SLC25A29: variants seen among roughly 807,000 people sequenced by gnomAD.
The protein encoded by SLC25A29 is mitochondrial basic amino acids transporter.
In SLC25A29, 13 loss-of-function variants were observed where a neutral mutation model predicts 10.0. The observed-to-expected ratio is 1.30, with a 90% CI of 0.85 to 2.07. The LOEUF is 2.07. SLC25A29 is among the 30% of genes most tolerant of loss of function. The pLI is 0.00. For synonymous variants in SLC25A29, 244 were observed against 221.1 expected, an observed-to-expected ratio of 1.10 and a Z score of -0.92; for missense variants, 475 against 447.6, an observed-to-expected ratio of 1.06 and a Z score of -0.55.
chr14:100,305,273 G>A (rs527748495), intron 1 of SLC25A29: 2 of 152,202 alleles, frequency 1.3e-5, no homozygotes, highest in East Asian at 3.9e-4. Context: ...CGGGAGCTGA[G>A]GGTTTATTCG....
downstream of SLC25A29, among the ~76,000 whole-genome samples, chr14:100,290,822 C>T (rs1566789617): frequency 6.6e-6 from 1 of 152,248 alleles, no homozygotes; most frequent in Non-Finnish European, 1.5e-5. Context: ...CCCTGCTGCC[C>T]CGCCCGCCAG....
At chr14:100,288,784 G>A (rs998719608), downstream of SLC25A29, among the ~76,000 whole-genome samples, 1 of 152,230 alleles carries the variant, frequency 6.6e-6, no homozygotes, top group Admixed American at 6.5e-5. Flanking sequence ...ATGCCATGCA[G>A]CTGTCAGCAG....
intron 1 of SLC25A29, among the ~76,000 whole-genome samples, chr14:100,304,590 C>G (rs1019119167): frequency 6.6e-6 from 1 of 151,832 alleles, no homozygotes; most frequent in Non-Finnish European, 1.5e-5. Flanking sequence ...TGGCCTGTGC[C>G]CCAGTGCTAC....
At chr14:100,278,580 G>A in the SLC25A29 span, 7 of 152,192 alleles carry the variant, frequency 4.6e-5, no homozygotes, top group African/African-American at 1.4e-4. Context: ...AGCAACTCAA[G>A]TTTCCTTTAT....
intron 1 of SLC25A29, among the ~76,000 whole-genome samples, chr14:100,302,769 G>T (rs1160940084): frequency 3.5e-5 from 5 of 142,314 alleles, no homozygotes. Context: ...GAAATCTGCT[G>T]CCAATGTTTT....
chr14:100,283,343 C>T, the SLC25A29 span, among the ~76,000 whole-genome samples: 1 of 152,302 alleles, frequency 6.6e-6, no homozygotes, highest in African/African-American at 2.4e-5. Context: ...GGGCTGCTGA[C>T]AGAATGCTAC....
chr14:100,288,415 G>A (rs944039437), downstream of SLC25A29, among the ~76,000 whole-genome samples: 3 of 139,790 alleles, frequency 2.1e-5, no homozygotes, highest in South Asian at 4.8e-4. Context: ...AAGACAGTTT[G>A]GGAAGCTGTT....
chr14:100,296,296 G>A (rs1324258266), intron 2 of SLC25A29: 2 of 304,010 alleles, frequency 6.6e-6, no homozygotes, highest in East Asian at 1.7e-4. Context: ...AGGCATGGTG[G>A]TGTGTGCCTG....
In SLC25A29 at chr14:100,292,260, G is replaced by A. The variant is rs1233736200; in HGVS notation, c.*23C>T. ...TCCCAGGTTTCTGAGAAGGAGCCCT[G>A]GGGAAGGAGGGCGGGGTGAGCGTCA... is the stretch of plus-strand genomic sequence containing the variant. On this transcript the variant is annotated 3_prime_UTR_variant, in exon 4 of 4. Transcript: ENST00000359232. The A allele has an allele frequency of 6.5e-7, 1 of 1,532,822 alleles. No homozygotes were observed. Among genetic ancestry groups the A allele is most frequent in the Non-Finnish European group, 8.8e-7 (1 of 1,141,026 alleles). 95.0% of individuals were successfully genotyped at this position (1,532,822 alleles called of 1,614,324 possible).
chr14:100,300,685 T>C (rs891642667), intron 1 of SLC25A29, among the ~76,000 whole-genome samples: 6 of 152,090 alleles, frequency 3.9e-5, no homozygotes, highest in Admixed American at 2.6e-4. Context: ...ATGTGTAGTT[T>C]TGAACCTTTT....
At chr14:100,296,910 T>C (rs1409109867) in intron 2 of SLC25A29, among the ~76,000 whole-genome samples, 2 of 152,146 alleles carry the variant, frequency 1.3e-5, no homozygotes, top group Admixed American at 1.3e-4. Flanking sequence ...ATGTGTGCAC[T>C]TTCTATATGT....
chr14:100,306,086 AC>A (rs1275707814), intron 1 of SLC25A29, 112 bp downstream of exon 1: 1 of 748,906 alleles, frequency 1.3e-6, no homozygotes, highest in African/African-American at 1.9e-5. Flanking sequence ...GTCCCCATTC[AC>A]AGACGCGGCG....
At position 100,306,382 on chromosome 14, in the gene SLC25A29, G is replaced by A; in HGVS notation, c.-150C>T. ...GCGGAGCCCGGGCAGGCGCGGTCAG[G>A]GATGGTGGGGATGGCGGCAGCAGCT... On this transcript the variant is annotated 5_prime_UTR_variant, in exon 1 of 4. Transcript: ENST00000359232. The A allele has an allele frequency of 1.6e-6, 1 of 644,470 alleles. No individual in the cohort carries two copies. The highest frequency in any genetic ancestry group is 7.3e-5 in the South Asian group (1 of 13,666). The allele number at this position is 644,470 out of a possible 1,614,324, so 39.9% of individuals were successfully genotyped here. A position where few individuals can be genotyped will look rare whatever the true frequency, so the allele number is the denominator to read the frequency against.
intron 1 of SLC25A29, chr14:100,299,093 G>C: frequency 1.4e-6 from 2 of 1,421,666 alleles, no homozygotes. Flanking sequence ...GACATCCCAA[G>C]GCCAAGCCAG....
chr14:100,285,900 G>A, the SLC25A29 span, among the ~76,000 whole-genome samples: 8 of 152,304 alleles, frequency 5.3e-5, no homozygotes, highest in East Asian at 5.8e-4. Flanking sequence ...CGGGAAGCGG[G>A]GAGACAGGGC....
Position 100,292,263 on chromosome 14 carries a change from G to A in SLC25A29, c.*20C>T, listed in dbSNP as rs758004690. On this transcript the variant is annotated 3_prime_UTR_variant, in exon 4 of 4. Coordinates refer to ENST00000359232, the MANE Select transcript of SLC25A29 (RefSeq NM_001039355.3). Reference sequence around the variant, plus strand: ...CAGGTTTCTGAGAAGGAGCCCTGGGGAAGGAGGGCGGGGTGAGCGTCACAG... The same window carrying A: ...CAGGTTTCTGAGAAGGAGCCCTGGGAAAGGAGGGCGGGGTGAGCGTCACAG... 4.6e-6 allele frequency: 7 copies of A among 1,533,274 alleles called. No individual in the cohort carries two copies. In the South Asian group the frequency reaches 8.3e-5, roughly 18 times the overall value. 95.0% of individuals were successfully genotyped at this position (1,533,274 alleles called of 1,614,324 possible).
chr14:100,298,988 G>A, intron 1 of SLC25A29, 103 bp from the exon 2 acceptor site: 7 of 1,533,112 alleles, frequency 4.6e-6, no homozygotes, highest in Middle Eastern at 1.7e-4. Context: ...AGGAGCTGCT[G>A]CCGGGGAAAG....
intron 2 of SLC25A29, 183 bp downstream of exon 2, chr14:100,298,659 C>T (rs1892332173): frequency 4.0e-6 from 3 of 750,130 alleles, no homozygotes; most frequent in Non-Finnish European, 6.8e-6. Context: ...ATGAACCCAG[C>T]ATGTGGATCA....
chr14:100,291,913 A>C lies in SLC25A29; in HGVS notation c.*370T>G. On this transcript the variant is annotated 3_prime_UTR_variant, in exon 4 of 4. Transcript: ENST00000359232. ...TGGTTGGCCATCAGAGACCCCCGGG[A>C]GCCAGCCTGCAGGGCAGGAGCACAA... 2 of 294,076 alleles carry C rather than the reference A, an allele frequency of 6.8e-6. No homozygotes were observed. The highest frequency in any genetic ancestry group is 1.3e-5 in the Non-Finnish European group (2 of 154,584). The allele number at this position is 294,076 out of a possible 1,614,324, so 18.2% of individuals were successfully genotyped here.
Sources: allele counts gnomAD v4.1 joint callset (sites outside exome capture counted in the v4.1 genomes callset), GRCh38; gene constraint gnomAD v4.1.1; transcripts MANE v1.5; gene names NCBI Gene and HGNC (gene_info 2026-07-23, HGNC 2026-07-21).